The following LOC400499 variants were observed in gnomAD, a reference collection of about 807,000 sequenced individuals.
At chr16:11,405,042 A>G in the LOC400499 span, among the ~76,000 whole-genome samples, 5 of 152,354 alleles carry the variant, frequency 3.3e-5, no homozygotes, top group African/African-American at 1.2e-4. Context: ...GGATGAGCAG[A>G]TAATTTAAAG....
chr16:11,385,259 C>A, the LOC400499 span: 1 of 1,232,322 alleles, frequency 8.1e-7, no homozygotes, highest in Non-Finnish European at 1.0e-6. Flanking sequence ...GTTCCACGAA[C>A]AGGGCTGTGA....
chr16:11,397,251 G>A, the LOC400499 span, among the ~76,000 whole-genome samples: 18 of 152,142 alleles, frequency 1.2e-4, no homozygotes, highest in South Asian at 4.1e-4. Context: ...GTTTGGGGCC[G>A]AATCTGGCTC....
the LOC400499 span, among the ~76,000 whole-genome samples, chr16:11,512,037 C>T: frequency 6.6e-6 from 1 of 152,012 alleles, no homozygotes; most frequent in Non-Finnish European, 1.5e-5. Context: ...GTTTGTAATC[C>T]CAGCACTTTG....
the LOC400499 span, among the ~76,000 whole-genome samples, chr16:11,520,465 TG>T: frequency 1.3e-5 from 2 of 152,128 alleles, no homozygotes; most frequent in East Asian, 3.9e-4. Flanking sequence ...AAGACCAGCT[TG>T]GCCAACATGG....
At chr16:11,438,891 T>G in the LOC400499 span, among the ~76,000 whole-genome samples, 1 of 152,146 alleles carries the variant, frequency 6.6e-6, no homozygotes, top group East Asian at 1.9e-4. Context: ...GGCCAAGAGT[T>G]TAAAACCAGC....
At chr16:11,441,792 G>A in the LOC400499 span, among the ~76,000 whole-genome samples, 3 of 152,156 alleles carry the variant, frequency 2.0e-5, no homozygotes, top group Non-Finnish European at 2.9e-5. Flanking sequence ...AGCTGGAAAA[G>A]GAAAGGAAAC....
chr16:11,391,207 TGCTGG>T, the LOC400499 span, among the ~76,000 whole-genome samples: 1 of 152,208 alleles, frequency 6.6e-6, no homozygotes, highest in Non-Finnish European at 1.5e-5. Context: ...CTCTGTGCTG[TGCTGG>T]GCATTAGCCC....
the LOC400499 span, among the ~76,000 whole-genome samples, chr16:11,518,143 G>A: frequency 6.6e-6 from 1 of 152,210 alleles, no homozygotes; most frequent in Non-Finnish European, 1.5e-5. Flanking sequence ...GGAGCTGGGG[G>A]ACAATAGTCC....
chr16:11,525,141 G>A, the LOC400499 span, among the ~76,000 whole-genome samples: 2 of 151,870 alleles, frequency 1.3e-5, no homozygotes, highest in Admixed American at 6.6e-5. Flanking sequence ...AAAATTAGCC[G>A]GGCGTGGTGG....
At chr16:11,412,412 G>A in the LOC400499 span, among the ~76,000 whole-genome samples, 290 of 152,234 alleles carry the variant, frequency 1.9e-3, no homozygotes, top group African/African-American at 6.5e-3. Context: ...GGGGAAACTC[G>A]CCCCTAGGTG....
At chr16:11,434,066 G>A in the LOC400499 span, among the ~76,000 whole-genome samples, 58 of 152,226 alleles carry the variant, frequency 3.8e-4, no homozygotes, top group South Asian at 1.9e-3. Context: ...GGACAGGAAG[G>A]GTCTATAGGA....
At chr16:11,390,493 G>C in the LOC400499 span, 4 of 1,233,894 alleles carry the variant, frequency 3.2e-6, no homozygotes, top group Admixed American at 4.2e-5. Context: ...CCCACCATGA[G>C]ACCTCAGGGC....
chr16:11,473,017 G>A, the LOC400499 span: 3 of 151,920 alleles, frequency 2.0e-5, no homozygotes, highest in Non-Finnish European at 2.9e-5. Context: ...TAATCTCAAC[G>A]ACTCAGGAGA....
the LOC400499 span, among the ~76,000 whole-genome samples, chr16:11,374,536 G>A: frequency 6.6e-6 from 1 of 152,136 alleles, no homozygotes; most frequent in African/African-American, 2.4e-5. Flanking sequence ...CTGTCTCTAT[G>A]AAACTTATTA....
chr16:11,490,066 A>G, the LOC400499 span, among the ~76,000 whole-genome samples: 3 of 152,152 alleles, frequency 2.0e-5, 1 homozygote, highest in African/African-American at 4.8e-5. Context: ...AGAGCTATAG[A>G]TGAGAGACAA....
the LOC400499 span, chr16:11,425,213 C>A: frequency 2.0e-5 from 8 of 399,062 alleles, no homozygotes; most frequent in Non-Finnish European, 3.5e-5. Context: ...CACCCAGAGC[C>A]AGGCTGGCTG....
At chr16:11,463,988 T>A in the LOC400499 span, among the ~76,000 whole-genome samples, 1 of 152,124 alleles carries the variant, frequency 6.6e-6, no homozygotes, top group African/African-American at 2.4e-5. Context: ...TGTGGATGTG[T>A]GTATATGAAT....
At chr16:11,462,453 A>T in the LOC400499 span, 1 of 1,282,984 alleles carries the variant, frequency 7.8e-7, no homozygotes, top group Non-Finnish European at 9.8e-7. Context: ...TCCTTGAGAC[A>T]GAGTCTCACT....
chr16:11,392,679 G>T, the LOC400499 span: 1 of 730,896 alleles, frequency 1.4e-6, no homozygotes, highest in Non-Finnish European at 1.7e-6. Context: ...CCCCTCTTCT[G>T]TCCCCTCCCC....
Sources: gnomAD v4.1 joint callset for allele counts (sites outside exome capture counted in the v4.1 genomes callset) on GRCh38, gnomAD v4.1.1 for gene constraint, MANE v1.5 for transcripts.